Variants in HS2ST1 observed in about 807,000 individuals in gnomAD.
HS2ST1 encodes the protein 2-O-sulfotransferase.
HS2ST1 carries 18 observed loss-of-function variants against 42.9 expected under a neutral mutation model. The ratio of observed to expected loss-of-function variants is 0.42; its 90% CI spans 0.29 to 0.62. The LOEUF (loss-of-function observed/expected upper bound fraction) is 0.62. Among genes scored for constraint, HS2ST1 ranks in the 20% least tolerant of loss-of-function variants. The pLI is 0.21. For missense variants in HS2ST1, 334 were observed against 433.8 expected (o/e 0.77, Z 2.04); for synonymous variants, 146 against 152.9 (o/e 0.95, Z 0.33).
chr1:87,079,109 A>AT (rs1651616955), intron 2 of HS2ST1, among the ~76,000 whole-genome samples: 1 of 150,958 alleles, frequency 6.6e-6, no homozygotes, highest in South Asian at 2.1e-4. Context: ...ATAATATGGA[A>AT]TTTCAGCAGT....
rs1353347264 is a variant in HS2ST1 at position 86,914,968 on chromosome 1, GTC to G, written c.-62_-61del. The G allele has an allele frequency of 4.4e-6, 7 of 1,593,984 alleles. No individual in the cohort carries two copies. The highest frequency in any genetic ancestry group is 1.7e-5 in the Admixed American group (1 of 58,770). On this transcript the variant is annotated 5_prime_UTR_variant, in exon 1 of 7. Coordinates refer to ENST00000370550, the MANE Select transcript of HS2ST1 (RefSeq NM_012262.4). ...CCCGGCTCGGCGGGCTCCTCCCGGC[GTC>G]TCTCTCGCCTCCGGGGTCCCGCTCC...
intron 1 of HS2ST1, among the ~76,000 whole-genome samples, chr1:87,036,816 A>C (rs1231721009): frequency 6.6e-6 from 1 of 152,130 alleles, no homozygotes; most frequent in Non-Finnish European, 1.5e-5. Context: ...ACACATTTTC[A>C]AGGAAAACCT....
chr1:86,982,672 G>A (rs1648632312), intron 1 of HS2ST1, among the ~76,000 whole-genome samples: 2 of 151,968 alleles, frequency 1.3e-5, no homozygotes, highest in East Asian at 3.9e-4. Context: ...CCACCACCAC[G>A]CCCGGCTAAT....
rs1212407450 is a variant in HS2ST1 at position 87,045,745 on chromosome 1, T to A, written c.125-27189T>A. 7 of 917,634 alleles carry A rather than the reference T, an allele frequency of 7.6e-6. No individual in the cohort carries two copies. In the South Asian group the frequency reaches 9.0e-5, roughly 12 times the overall value. The allele number at this position is 917,634 out of a possible 1,614,324, so 56.8% of individuals were successfully genotyped here. The stretch of plus-strand genomic sequence containing the variant: ...TTGATATCAAATCTACTCTTCATAT[T>A]CATACTGAAAATATGCATCCTGAGG... On this transcript the variant is annotated intron_variant, in intron 1 of 6. Transcript: ENST00000370550.
chr1:87,075,264 C>T (rs533600794), intron 2 of HS2ST1, among the ~76,000 whole-genome samples: 1 of 145,806 alleles, frequency 6.9e-6, no homozygotes, highest in African/African-American at 2.5e-5. Flanking sequence ...CTGCCTCCCA[C>T]GTTCAAGCAA....
At chr1:87,065,111 G>A (rs930167930) in intron 1 of HS2ST1, among the ~76,000 whole-genome samples, 1 of 152,224 alleles carries the variant, frequency 6.6e-6, no homozygotes, top group African/African-American at 2.4e-5. Context: ...GCTGAAGCAA[G>A]AATCAGTTAA....
At chr1:86,923,617 T>C (rs1660350484) in intron 1 of HS2ST1, among the ~76,000 whole-genome samples, 1 of 152,162 alleles carries the variant, frequency 6.6e-6, no homozygotes. Context: ...AGGCTGGTCT[T>C]GATCTCCTGA....
At chr1:86,921,368 T>C (rs562929396) in intron 1 of HS2ST1, among the ~76,000 whole-genome samples, 1 of 152,344 alleles carries the variant, frequency 6.6e-6, no homozygotes, top group South Asian at 2.1e-4. Context: ...TCATGTCTTC[T>C]TGATGGACCA....
At chr1:87,097,808 C>G (rs1216850871) in intron 4 of HS2ST1, 30 bp from the exon 5 acceptor site, 1 of 1,612,616 alleles carries the variant, frequency 6.2e-7, no homozygotes, top group East Asian at 2.2e-5. Context: ...GGATTTATGG[C>G]TTACCCGTGC....
At chr1:86,949,945 G>A (rs887481930) in intron 1 of HS2ST1, among the ~76,000 whole-genome samples, 2 of 152,170 alleles carry the variant, frequency 1.3e-5, no homozygotes, top group African/African-American at 4.8e-5. Context: ...AGGGCTTTTA[G>A]GACCCTAGTT....
intron 3 of HS2ST1, among the ~76,000 whole-genome samples, chr1:87,088,871 G>A (rs1651874446): frequency 6.6e-6 from 1 of 151,940 alleles, no homozygotes; most frequent in Admixed American, 6.6e-5. Flanking sequence ...TCACTTTTTT[G>A]GATACAGGAC....
At chr1:86,930,194 A>G (rs1183155911) in intron 1 of HS2ST1, among the ~76,000 whole-genome samples, 1 of 151,864 alleles carries the variant, frequency 6.6e-6, no homozygotes, top group Non-Finnish European at 1.5e-5. Flanking sequence ...GCTGTTGTGT[A>G]CAATTTGAAG....
chr1:87,011,188 C>T (rs1303614959), intron 1 of HS2ST1, among the ~76,000 whole-genome samples: 2 of 152,050 alleles, frequency 1.3e-5, no homozygotes, highest in South Asian at 2.1e-4. Context: ...ATCAAAAAGC[C>T]GTCAGTTCCA....
At chr1:86,993,211 G>C in intron 1 of HS2ST1, 1 of 1,486,460 alleles carries the variant, frequency 6.7e-7, no homozygotes, top group Non-Finnish European at 9.1e-7. Flanking sequence ...GTGATAAAAG[G>C]TACAGTTTGT....
At chr1:86,922,419 T>TTGTGTGTGTGTATG (rs1553130146) in intron 1 of HS2ST1, among the ~76,000 whole-genome samples, 3 of 147,742 alleles carry the variant, frequency 2.0e-5, no homozygotes, top group African/African-American at 7.5e-5. Flanking sequence ...GTTCTTCATT[T>TTGTGTGTGTGTATG]TGTGTGTGTG....
At chr1:87,017,151 T>A (rs1649782835) in intron 1 of HS2ST1, among the ~76,000 whole-genome samples, 1 of 152,088 alleles carries the variant, frequency 6.6e-6, no homozygotes, top group Non-Finnish European at 1.5e-5. Flanking sequence ...CTCCTTTCTT[T>A]TTTGCGACGG....
chr1:87,032,728 A>C (rs750407634), intron 1 of HS2ST1, among the ~76,000 whole-genome samples: 22 of 152,092 alleles, frequency 1.4e-4, no homozygotes, highest in Non-Finnish European at 3.2e-4. Flanking sequence ...GTAAAAATGC[A>C]TTGTTCTTTT....
chr1:87,050,215 A>G (rs1010125698), intron 1 of HS2ST1, among the ~76,000 whole-genome samples: 2 of 151,898 alleles, frequency 1.3e-5, no homozygotes, highest in Non-Finnish European at 2.9e-5. Context: ...AGCCTTTTCT[A>G]TGGTGTGTAT....
intron 1 of HS2ST1, among the ~76,000 whole-genome samples, chr1:86,959,794 C>T (rs571045603): frequency 1.3e-5 from 2 of 152,018 alleles, no homozygotes; most frequent in African/African-American, 4.8e-5. Context: ...AATAAAAAAT[C>T]GAAGATCTAA....
Sources: allele counts gnomAD v4.1 joint callset (sites outside exome capture counted in the v4.1 genomes callset), GRCh38; gene constraint gnomAD v4.1.1; transcripts MANE v1.5; gene names NCBI Gene and HGNC (gene_info 2026-07-23, HGNC 2026-07-21).